The following NAALADL2 variants were observed in gnomAD, a reference collection of about 807,000 sequenced individuals.
The protein encoded by NAALADL2 is inactive N-acetylated-alpha-linked acidic dipeptidase-like protein 2.
A neutral mutation model predicts 87.2 loss-of-function variants in NAALADL2; 76 were observed. That is an observed-to-expected ratio of 0.87 (90% confidence interval 0.72 to 1.05). The LOEUF (loss-of-function observed/expected upper bound fraction) is 1.05, where lower values mean the gene tolerates loss of function less well. Among genes scored for constraint, NAALADL2 ranks in the 50% least tolerant of loss-of-function variants. The pLI, the probability that NAALADL2 is intolerant of heterozygous loss-of-function variation, is 0.00. For synonymous variants in NAALADL2, 354 were observed against 331.0 expected, an observed-to-expected ratio of 1.07 and a Z score of -0.75; for missense variants, 1,089 against 945.8, an observed-to-expected ratio of 1.15 and a Z score of -1.99.
chr3:175,260,832 G>T (rs916737137), intron 4 of NAALADL2, among the ~76,000 whole-genome samples: 1 of 152,152 alleles, frequency 6.6e-6, no homozygotes, highest in Non-Finnish European at 1.5e-5. Context: ...ATTATCTCTT[G>T]AAATGAGGAG....
chr3:175,173,292 AAAATAAATAAATAAATAAAAT>A (rs1484907488), intron 2 of NAALADL2, among the ~76,000 whole-genome samples: 1 of 138,580 alleles, frequency 7.2e-6, no homozygotes, highest in African/African-American at 2.7e-5. Context: ...ACTCCGTTTC[AAAATAAATAAATAAATAAAAT>A]AAATAAATAA....
intron 9 of NAALADL2, among the ~76,000 whole-genome samples, chr3:175,544,124 T>C (rs1242675600): frequency 6.6e-6 from 1 of 152,128 alleles, no homozygotes; most frequent in South Asian, 2.1e-4. Context: ...CTGGGCTCAG[T>C]TGAGTTATGA....
At chr3:174,859,881 C>G (rs1560294551) in intron 1 of NAALADL2, among the ~76,000 whole-genome samples, 2 of 152,072 alleles carry the variant, frequency 1.3e-5, no homozygotes, top group African/African-American at 4.8e-5. Context: ...AGTTTACCAG[C>G]TCAGTTTCCC....
At chr3:175,756,355 CA>C (rs1747260905) in intron 13 of NAALADL2, among the ~76,000 whole-genome samples, 1 of 151,968 alleles carries the variant, frequency 6.6e-6, no homozygotes, top group Non-Finnish European at 1.5e-5. Context: ...TTTTTTATAT[CA>C]AAAAGATACT....
At chr3:175,530,761 C>T (rs115701890) in intron 9 of NAALADL2, among the ~76,000 whole-genome samples, 2,060 of 152,258 alleles carry the variant, frequency 0.014, 34 homozygotes, top group African/African-American at 0.046. Flanking sequence ...AGATCCATCA[C>T]GTATATACCA....
At chr3:175,744,620 T>C (rs1745681073) in intron 12 of NAALADL2, among the ~76,000 whole-genome samples, 1 of 152,264 alleles carries the variant, frequency 6.6e-6, no homozygotes, top group Admixed American at 6.5e-5. Context: ...TTTTATATTT[T>C]ACTTTTTGTG....
At position 175,685,452 on chromosome 3, in the gene NAALADL2, GT is replaced by G. The variant is rs1355422670; in HGVS notation, c.1897-51853del. 1.1e-3 allele frequency among the ~76,000 whole-genome samples: 68 copies of G among 62,218 alleles called. No homozygotes were observed. In the African/African-American group the frequency reaches 0.012, roughly 11 times the overall value. The allele number at this position is 62,218 out of a possible 152,430, so 40.8% of individuals were successfully genotyped here. On this transcript the variant is annotated intron_variant, in intron 11 of 13. Transcript: ENST00000454872. ...CAGAGAAATAGAACCAACAGGAGGTGTGTGTGTGTGTGTGTGTGTGTGTGTG... is the reference window on the plus strand; with the variant it reads ...CAGAGAAATAGAACCAACAGGAGGTGGTGTGTGTGTGTGTGTGTGTGTGTG...
rs377558176 is a variant in NAALADL2, at chr3:175,133,733, C to T, written c.545+36442C>T. ...CGTGGAAAGAGAGGGAGAGGGAGAC[C>T]GTGGGGAGAGGGAGAGGGAGACTAA... On this transcript the variant is annotated intron_variant, in intron 2 of 13. Coordinates refer to ENST00000454872, the MANE Select transcript of NAALADL2 (RefSeq NM_207015.3). 3.4e-4 allele frequency among the ~76,000 whole-genome samples: 52 copies of T among 152,008 alleles called. No individual in the cohort carries two copies. In the East Asian group the frequency reaches 8.2e-3, roughly 24 times the overall value.
intron 9 of NAALADL2, among the ~76,000 whole-genome samples, chr3:175,569,222 A>G (rs1393659455): frequency 6.6e-6 from 1 of 152,232 alleles, no homozygotes; most frequent in Non-Finnish European, 1.5e-5. Context: ...ACTGCCCAGG[A>G]CCACATCTAT....
At chr3:175,489,857 A>G (rs1360719564) in intron 9 of NAALADL2, among the ~76,000 whole-genome samples, 1 of 152,178 alleles carries the variant, frequency 6.6e-6, no homozygotes, top group Non-Finnish European at 1.5e-5. Flanking sequence ...AAACTACTGT[A>G]AGTAGAAGTA....
intron 2 of NAALADL2, among the ~76,000 whole-genome samples, chr3:174,660,975 T>C (rs143037548): frequency 6.6e-6 from 1 of 152,284 alleles, no homozygotes; most frequent in East Asian, 1.9e-4. Flanking sequence ...GAAACACTTA[T>C]GTACAAGGTA....
chr3:174,638,456 T>G (rs1400935472), intron 2 of NAALADL2, among the ~76,000 whole-genome samples: 2 of 152,132 alleles, frequency 1.3e-5, no homozygotes, highest in African/African-American at 4.8e-5. Context: ...CTAAACAGAT[T>G]GATGCATCTG....
chr3:174,866,727 C>G (rs1259061794), intron 1 of NAALADL2, among the ~76,000 whole-genome samples: 1 of 151,610 alleles, frequency 6.6e-6, no homozygotes, highest in Non-Finnish European at 1.5e-5. Flanking sequence ...ATAATAACGA[C>G]TTTATAACCT....
At chr3:175,344,266 T>C (rs1762900779) in intron 5 of NAALADL2, among the ~76,000 whole-genome samples, 1 of 152,074 alleles carries the variant, frequency 6.6e-6, no homozygotes, top group Non-Finnish European at 1.5e-5. Context: ...ACTTTGGAAG[T>C]TGACTTACAT....
intron 13 of NAALADL2, among the ~76,000 whole-genome samples, chr3:175,758,354 G>A (rs186089182): frequency 9.1e-4 from 138 of 151,830 alleles, no homozygotes; most frequent in Non-Finnish European, 1.5e-3. Flanking sequence ...CATGTCTGCC[G>A]TTCTTTTCCT....
intron 2 of NAALADL2, among the ~76,000 whole-genome samples, chr3:174,718,546 A>G (rs1731418753): frequency 6.6e-6 from 1 of 152,208 alleles, no homozygotes; most frequent in Non-Finnish European, 1.5e-5. Context: ...CCATCTTCCA[A>G]AAAGTAGAAG....
At chr3:175,307,489 T>A (rs941751505) in intron 4 of NAALADL2, among the ~76,000 whole-genome samples, 2 of 152,136 alleles carry the variant, frequency 1.3e-5, no homozygotes, top group African/African-American at 4.8e-5. Context: ...TTTGGAGACA[T>A]AAATATGAAA....
At chr3:175,508,220 G>A (rs1730628092) in intron 9 of NAALADL2, among the ~76,000 whole-genome samples, 1 of 152,150 alleles carries the variant, frequency 6.6e-6, no homozygotes, top group South Asian at 2.1e-4. Context: ...TGATCCAAAT[G>A]CCTCCCATCA....
At chr3:174,897,943 C>T (rs1489588655) in intron 1 of NAALADL2, among the ~76,000 whole-genome samples, 1 of 141,086 alleles carries the variant, frequency 7.1e-6, no homozygotes, top group Non-Finnish European at 1.5e-5. Flanking sequence ...GAAACCCCGT[C>T]TCTACTAAAA....
Sources: gnomAD v4.1 joint callset for allele counts (sites outside exome capture counted in the v4.1 genomes callset) on GRCh38, gnomAD v4.1.1 for gene constraint, MANE v1.5 for transcripts, NCBI Gene and HGNC (gene_info 2026-07-23, HGNC 2026-07-21) for gene names.